Variants in ABCA10 observed in about 807,000 individuals in gnomAD.
The protein encoded by ABCA10 is ATP-binding cassette sub-family A member 10.
Under a neutral mutation model 187.5 loss-of-function variants are expected in ABCA10, and 169 were observed. The ratio of observed to expected loss-of-function variants is 0.90; its 90% CI spans 0.80 to 1.02. The LOEUF (loss-of-function observed/expected upper bound fraction) is 1.02. Among genes scored for constraint, ABCA10 ranks in the 50% least tolerant of loss-of-function variants. The pLI is 0.00. For synonymous variants in ABCA10, 574 were observed against 601.8 expected (o/e 0.95, Z 0.68); for missense variants, 1,727 against 1,812.4 (o/e 0.95, Z 0.86).
At chr17:69,187,592 G>C in intron 19 of ABCA10, 89 bp downstream of exon 19, 2 of 1,341,360 alleles carry the variant, frequency 1.5e-6, no homozygotes, top group Admixed American at 4.7e-5. Context: ...ACTGTTAAAT[G>C]AATGAATAAA....
chr17:69,197,695 T>G (rs2074515925), intron 10 of ABCA10, among the ~76,000 whole-genome samples: 1 of 152,192 alleles, frequency 6.6e-6, no homozygotes, highest in African/African-American at 2.4e-5. Flanking sequence ...TATTACTCAC[T>G]CTTTTGTTTT....
At chr17:69,163,129 G>A (rs147254316) in intron 27 of ABCA10, among the ~76,000 whole-genome samples, 10 of 152,082 alleles carry the variant, frequency 6.6e-5, no homozygotes, top group African/African-American at 2.2e-4. Context: ...GAGTCACTGC[G>A]CCTGGCCAAA....
At chr17:69,174,425 A>G in intron 24 of ABCA10, 31 bp from the exon 25 acceptor site, 1 of 1,535,090 alleles carries the variant, frequency 6.5e-7, no homozygotes, top group Non-Finnish European at 8.9e-7. Flanking sequence ...TGGCAAGATT[A>G]GAAATGGCAG....
intron 25 of ABCA10, among the ~76,000 whole-genome samples, chr17:69,173,821 C>A (rs914164628): frequency 3.3e-5 from 5 of 151,982 alleles, no homozygotes; most frequent in African/African-American, 1.2e-4. Flanking sequence ...AAAACAGTTT[C>A]TTATTTATTT....
At chr17:69,236,990 T>C (rs1215450893) in intron 1 of ABCA10, among the ~76,000 whole-genome samples, 1 of 152,156 alleles carries the variant, frequency 6.6e-6, no homozygotes, top group African/African-American at 2.4e-5. Context: ...TCCAGTATAT[T>C]TTGGATAGTG....
intron 29 of ABCA10, 61 bp from the exon 30 acceptor site, chr17:69,155,197 T>C: frequency 7.5e-7 from 1 of 1,338,256 alleles, no homozygotes; most frequent in Middle Eastern, 1.9e-4. Flanking sequence ...CGAATTGATG[T>C]TTTATTTTCC....
Position 69,187,894 on chromosome 17 carries a change from T to G in ABCA10, c.2132-15A>C, listed in dbSNP as rs533360991. The G allele has an allele frequency of 6.2e-7, 1 of 1,607,442 alleles. No individual in the cohort carries two copies. Among genetic ancestry groups the G allele is most frequent in the Non-Finnish European group, 8.5e-7 (1 of 1,174,570 alleles). ...AATGTCAAAATCTACAATCATGTAA[T>G]AAAACATTTTAATAGGCTATGTTAT... On this transcript the variant is annotated splice_polypyrimidine_tract_variant and intron_variant, in intron 18 of 38. Transcript: ENST00000690296.
intron 27 of ABCA10, among the ~76,000 whole-genome samples, chr17:69,161,852 A>T (rs2074220898): frequency 6.6e-6 from 1 of 152,226 alleles, no homozygotes; most frequent in South Asian, 2.1e-4. Flanking sequence ...GCTGTAAAAA[A>T]GTTTATGAGG....
rs780726655 is a variant in ABCA10, at chr17:69,164,999, A to G, written c.3247T>C (p.Phe1083Leu). The G allele has an allele frequency of 1.5e-5, 25 of 1,613,368 alleles. No individual in the cohort carries two copies. In the South Asian group the frequency reaches 2.7e-4, roughly 18 times the overall value. Residue 1083 changes from phenylalanine (F) to leucine (L), a missense_variant, in exon 26 of 39, where the codon TTC (phenylalanine) becomes CTC (leucine). Phe to Leu is a conservative substitution (Grantham distance 22). Coordinates refer to ENST00000690296, the MANE Select transcript of ABCA10 (RefSeq NM_001377321.1). Reference sequence around the variant, plus strand: ...AACATGACATACCCCAGCAAAGTGAAGGAAGGTATGAAAATCATGCACAAA... The same window carrying G: ...AACATGACATACCCCAGCAAAGTGAGGGAAGGTATGAAAATCATGCACAAA... ...LILCMIFIPS[F>L]TLLGYVMLLI... is the part of the protein sequence containing the mutation.
In ABCA10 at chr17:69,192,192, C is replaced by T. The variant is rs190985291; in HGVS notation, c.1871+371G>A. ...ACAAAAAATTAGCTGGGCATGGTGG[C>T]GCATGCCTGTAATCCCAGCTATTCG... On this transcript the variant is annotated intron_variant, in intron 16 of 38. Transcript: ENST00000690296. 6.2e-3 allele frequency among the ~76,000 whole-genome samples: 937 copies of T among 152,206 alleles called. 8 individuals carry two copies. Among genetic ancestry groups the T allele is most frequent in the Non-Finnish European group, 0.01 (692 of 67,998 alleles).
At chr17:69,207,787 G>A (rs2074602682) in intron 9 of ABCA10, among the ~76,000 whole-genome samples, 1 of 152,140 alleles carries the variant, frequency 6.6e-6, no homozygotes, top group South Asian at 2.1e-4. Context: ...GGAGAGGTTG[G>A]GAAGATGTTT....
intron 37 of ABCA10, 46 bp downstream of exon 37, chr17:69,149,938 T>C (rs768684750): frequency 1.6e-5 from 22 of 1,411,176 alleles, no homozygotes; most frequent in Non-Finnish European, 2.0e-5. Context: ...CACATGAAAA[T>C]ATGCAACCAA....
At chr17:69,166,732 A>C (rs1477909896) in intron 25 of ABCA10, among the ~76,000 whole-genome samples, 1 of 152,222 alleles carries the variant, frequency 6.6e-6, no homozygotes, top group Non-Finnish European at 1.5e-5. Flanking sequence ...AGCTTCCGCC[A>C]ATCAAGAGGC....
intron 9 of ABCA10, among the ~76,000 whole-genome samples, chr17:69,213,466 C>G (rs894992062): frequency 1.3e-5 from 2 of 152,118 alleles, no homozygotes; most frequent in Admixed American, 6.5e-5. Flanking sequence ...GGAATTATGG[C>G]TACTTCTGCT....
At chr17:69,214,876 A>G in intron 8 of ABCA10, 25 bp from the exon 9 acceptor site, 3 of 1,443,432 alleles carry the variant, frequency 2.1e-6, no homozygotes, top group Non-Finnish European at 2.8e-6. Flanking sequence ...AAAAAATAAA[A>G]TGTTAGATGA....
Position 69,156,890 on chromosome 17 carries a change from T to A in ABCA10, c.3397A>T (p.Ile1133Leu). The change falls in exon 28 of 39, where the codon ATA becomes TTA. Residue 1133 changes from isoleucine to leucine, a missense_variant. By Grantham distance (5) the Ile-to-Leu change is conservative. Transcript: ENST00000690296. ...CCATACTTCATTTCCAGACACCTTA[T>A]GACAAAAAGGAAAATAACACTCTGA... ...YLQSVIFLFV[I>L]RCLEMKYGNE... 1 of 1,590,606 alleles carries A rather than the reference T, an allele frequency of 6.3e-7. No individual in the cohort carries two copies. Among genetic ancestry groups the A allele is most frequent in the Non-Finnish European group, 8.6e-7 (1 of 1,169,124 alleles).
At chr17:69,211,795 T>C (rs1488095586) in intron 9 of ABCA10, among the ~76,000 whole-genome samples, 1 of 152,196 alleles carries the variant, frequency 6.6e-6, no homozygotes, top group African/African-American at 2.4e-5. Flanking sequence ...TGGCCCTGAA[T>C]GATCTTTTGT....
chr17:69,182,104 T>G, intron 22 of ABCA10, 49 bp downstream of exon 22: 1 of 1,450,060 alleles, frequency 6.9e-7, no homozygotes, highest in Non-Finnish European at 9.1e-7. Flanking sequence ...CCCTCATCCT[T>G]TATCCCTCTG....
At chr17:69,207,307 C>T (rs2074598981) in intron 9 of ABCA10, among the ~76,000 whole-genome samples, 1 of 152,208 alleles carries the variant, frequency 6.6e-6, no homozygotes, top group South Asian at 2.1e-4. Context: ...TAAATTAGTA[C>T]AACCATTATG....
Sources: allele counts gnomAD v4.1 joint callset (sites outside exome capture counted in the v4.1 genomes callset), GRCh38; gene constraint gnomAD v4.1.1; transcripts MANE v1.5; gene names NCBI Gene and HGNC (gene_info 2026-07-23, HGNC 2026-07-21).